LY75: variants seen among roughly 807,000 people sequenced by gnomAD.
LY75 encodes the protein lymphocyte antigen 75.
Under a neutral mutation model 231.7 loss-of-function variants are expected in LY75, and 185 were observed. The ratio of observed to expected loss-of-function variants is 0.80; its 90% CI spans 0.71 to 0.90. The LOEUF (loss-of-function observed/expected upper bound fraction) is 0.90, where lower values mean the gene tolerates loss of function less well. Ranked by LOEUF, LY75 falls within the 40% of genes least tolerant of loss-of-function variation. The probability of loss-of-function intolerance (pLI) is 0.00; values close to 1 mark genes in which losing one functional copy is unlikely to be tolerated. For synonymous variants in LY75, 668 were observed against 689.0 expected, an observed-to-expected ratio of 0.97 and a Z score of 0.48; for missense variants, 1,947 against 2,050.2, an observed-to-expected ratio of 0.95 and a Z score of 0.97.
chr2:159,806,973 C>G lies in LY75; in HGVS notation c.4990G>C (p.Gly1664Arg). ...TCCTAAGGACAGGTTCCATACTTACCCAGAGGCACTTTGCAGACAACTCTT... is the reference window on the plus strand; with the variant it reads ...TCCTAAGGACAGGTTCCATACTTACGCAGAGGCACTTTGCAGACAACTCTT... ...FGRVVCKVPL[G>R]PDYTAIAIIV... is the part of the protein sequence containing the mutation. The change falls in exon 34 of 35, where the codon GGC (glycine) becomes CGC (arginine). Residue 1664 changes from glycine to arginine, a missense_variant and splice_region_variant. By Grantham distance (125) the Gly-to-Arg change is moderately radical. Coordinates refer to ENST00000263636, the MANE Select transcript of LY75 (RefSeq NM_002349.4). 1.2e-6 allele frequency: 2 copies of G among 1,611,608 alleles called. No homozygotes were observed. Among genetic ancestry groups the G allele is most frequent in the Non-Finnish European group, 8.5e-7 (1 of 1,178,622 alleles).
At chr2:159,834,782 C>T (rs1270429094) in intron 26 of LY75, among the ~76,000 whole-genome samples, 1 of 152,192 alleles carries the variant, frequency 6.6e-6, no homozygotes, top group Non-Finnish European at 1.5e-5. Flanking sequence ...ACATATTCCA[C>T]TCAAATACAT....
rs1468585802 is a variant in LY75 at position 159,831,760 on chromosome 2, G to A, written c.3868C>T (p.Arg1290Ter). The change falls in exon 28 of 35, where the codon CGA (arginine) becomes TGA (stop). Residue 1290 changes from arginine to a stop codon, truncating the protein, a stop_gained. Coordinates refer to ENST00000263636, the MANE Select transcript of LY75 (RefSeq NM_002349.4). LOFTEE classifies it high-confidence loss of function. ...LNPKSHILSIRDEKENNFVLE... is the reference protein window; with the variant it reads ...LNPKSHILSI Reference sequence around the variant, plus strand: ...ACAAAGTTATTCTCCTTTTCATCTCGAATACTCAGAATATGTGATTTTGGA... The same window carrying A: ...ACAAAGTTATTCTCCTTTTCATCTCAAATACTCAGAATATGTGATTTTGGA... 13 of 1,608,684 alleles carry A rather than the reference G, an allele frequency of 8.1e-6. No homozygotes were observed. The highest frequency in any genetic ancestry group is 6.8e-5 in the Admixed American group (4 of 59,076).
At chr2:159,831,854 T>G (rs984321208) in intron 27 of LY75, 68 bp from the exon 28 acceptor site, 18 of 1,299,606 alleles carry the variant, frequency 1.4e-5, no homozygotes, top group Non-Finnish European at 1.8e-5. Flanking sequence ...TTGATAAGTT[T>G]AAAACATTTT....
intron 34 of LY75, among the ~76,000 whole-genome samples, chr2:159,805,771 C>T (rs1682773555): frequency 1.3e-5 from 2 of 152,162 alleles, no homozygotes; most frequent in Admixed American, 1.3e-4. Context: ...CTACACATCT[C>T]GTCCCTCTAT....
intron 21 of LY75, among the ~76,000 whole-genome samples, chr2:159,850,756 AGCG>A (rs1296273235): frequency 7.5e-6 from 1 of 132,620 alleles, no homozygotes; most frequent in Non-Finnish European, 1.6e-5. Context: ...ACAACTGAAG[AGCG>A]GTCTTCAAAC....
At chr2:159,844,032 T>G (rs1684122953) in intron 23 of LY75, among the ~76,000 whole-genome samples, 1 of 152,064 alleles carries the variant, frequency 6.6e-6, no homozygotes, top group South Asian at 2.1e-4. Flanking sequence ...CCCCAAACTT[T>G]CAGGGAAAGA....
chr2:159,851,190 A>C (rs1405517034), intron 21 of LY75, among the ~76,000 whole-genome samples: 6 of 152,196 alleles, frequency 3.9e-5, no homozygotes, highest in Non-Finnish European at 8.8e-5. Flanking sequence ...TTGAGGAATT[A>C]AAAAGATTGT....
At chr2:159,851,325 T>A (rs755179294) in intron 21 of LY75, among the ~76,000 whole-genome samples, 3 of 152,186 alleles carry the variant, frequency 2.0e-5, no homozygotes, top group Non-Finnish European at 4.4e-5. Context: ...TGTCCCAAAT[T>A]GTGTTCCTTG....
At chr2:159,831,439 TGCGGGAAC>T (rs1683656807) in intron 28 of LY75, among the ~76,000 whole-genome samples, 1 of 152,206 alleles carries the variant, frequency 6.6e-6, no homozygotes, top group African/African-American at 2.4e-5. Context: ...TTTTTAGCAG[TGCGGGAAC>T]AAACTAATTC....
chr2:159,819,628 A>G, intron 29 of LY75, 98 bp downstream of exon 29: 1 of 1,410,640 alleles, frequency 7.1e-7, no homozygotes. Flanking sequence ...GACTGAATAC[A>G]GAGGAAGCAT....
intron 13 of LY75, among the ~76,000 whole-genome samples, chr2:159,865,379 C>A (rs1189480831): frequency 6.6e-6 from 1 of 152,026 alleles, no homozygotes; most frequent in African/African-American, 2.4e-5. Flanking sequence ...TAAGTTTAAA[C>A]AAGCATTTGA....
At chr2:159,808,872 G>A (rs993527928) in intron 32 of LY75, among the ~76,000 whole-genome samples, 2 of 152,178 alleles carry the variant, frequency 1.3e-5, no homozygotes, top group East Asian at 3.8e-4. Flanking sequence ...GATGAGAAAA[G>A]AGAAAGAGTT....
Position 159,850,116 on chromosome 2 carries a change from T to C in LY75, c.3014A>G (p.Asp1005Gly). 10 of 1,611,374 alleles carry C rather than the reference T, an allele frequency of 6.2e-6. No homozygotes were observed. Among genetic ancestry groups the C allele is most frequent in the East Asian group, 2.2e-5 (1 of 44,844 alleles). Residue 1005 changes from aspartate (D) to glycine (G), a missense_variant, in exon 23 of 35, where the codon GAT becomes GGT. Transcript: ENST00000263636. ...ACCAATCCATAAAGTAGCTTCCATA[T>C]CCGGAAGCAAGGATGTAATAAAGTC... ...EQDFITSLLPDMEATLWIGLR... is the reference protein window; with the variant it reads ...EQDFITSLLPGMEATLWIGLR...
chr2:159,904,724 C>A lies in LY75; in HGVS notation c.-42G>T. The stretch of plus-strand genomic sequence containing the variant: ...CCTTCCGGCCGGGTCCTCGGGCGCA[C>A]GCGGCTCCCGCCCCGCCTGCTGAGC... On this transcript the variant is annotated 5_prime_UTR_variant, in exon 1 of 35. Transcript: ENST00000263636. The A allele has an allele frequency of 7.3e-7, 1 of 1,377,800 alleles. No homozygotes were observed. Among genetic ancestry groups the A allele is most frequent in the Middle Eastern group, 2.5e-4 (1 of 4,000 alleles). The allele number at this position is 1,377,800 out of a possible 1,614,324, so 85.3% of individuals were successfully genotyped here. A position where few individuals can be genotyped will look rare whatever the true frequency, so the allele number is the denominator to read the frequency against.
chr2:159,883,142 GA>G (rs1330235904), intron 6 of LY75, among the ~76,000 whole-genome samples: 1 of 123,024 alleles, frequency 8.1e-6, no homozygotes, highest in South Asian at 3.2e-4. Context: ...GGGGGAGGGG[GA>G]GGGGGGAGGG....
intron 13 of LY75, among the ~76,000 whole-genome samples, chr2:159,867,189 C>T (rs72955771): frequency 0.029 from 4,343 of 152,266 alleles, 73 homozygotes; most frequent in Non-Finnish European, 0.046. Context: ...CATTTGAACA[C>T]AGAAATTTAC....
intron 23 of LY75, among the ~76,000 whole-genome samples, chr2:159,846,106 G>C (rs1432558520): frequency 6.6e-6 from 1 of 151,552 alleles, no homozygotes; most frequent in Non-Finnish European, 1.5e-5. Flanking sequence ...ACAAATGAAA[G>C]TATATGTAAT....
chr2:159,860,703 T>A, intron 15 of LY75, 118 bp downstream of exon 15: 1 of 1,218,340 alleles, frequency 8.2e-7, no homozygotes, highest in South Asian at 1.3e-5. Context: ...TGTGCTTATC[T>A]CTCACTGCAT....
intron 15 of LY75, among the ~76,000 whole-genome samples, chr2:159,860,344 T>C (rs1684667807): frequency 6.6e-6 from 1 of 152,196 alleles, no homozygotes; most frequent in South Asian, 2.1e-4. Flanking sequence ...TTCCTAATAC[T>C]GTTATCAAGG....
Sources: gnomAD v4.1 joint callset for allele counts (sites outside exome capture counted in the v4.1 genomes callset) on GRCh38, gnomAD v4.1.1 for gene constraint, MANE v1.5 for transcripts, NCBI Gene and HGNC (gene_info 2026-07-23, HGNC 2026-07-21) for gene names.